Variants in PPL observed in about 807,000 individuals in gnomAD.
PPL encodes the protein 190 kDa paraneoplastic pemphigus antigen.
A neutral mutation model predicts 194.4 loss-of-function variants in PPL; 198 were observed. The ratio of observed to expected loss-of-function variants is 1.02; its 90% CI spans 0.91 to 1.15. The LOEUF (loss-of-function observed/expected upper bound fraction) is 1.15. Among genes scored for constraint, PPL ranks in the 50% most tolerant of loss-of-function variants. PPL has a pLI of 0.00. For synonymous variants in PPL, 1,220 were observed against 972.4 expected (o/e 1.25, Z -4.74); for missense variants, 2,885 against 2,294.8 (o/e 1.26, Z -5.25).
intron 2 of PPL, among the ~76,000 whole-genome samples, chr16:4,907,308 T>TCACACACACA (rs56210938): frequency 4.0e-4 from 58 of 145,742 alleles, no homozygotes; most frequent in African/African-American, 1.3e-3. Context: ...ATATCTAATC[T>TCACACACACA]CACACACACA....
chr16:4,930,571 G>C (rs1388587439), intron 1 of PPL, among the ~76,000 whole-genome samples: 2 of 152,314 alleles, frequency 1.3e-5, no homozygotes, highest in East Asian at 3.9e-4. Flanking sequence ...TGTAGCACCA[G>C]TGTCTGGGGG....
intron 6 of PPL, 65 bp from the exon 7 acceptor site, chr16:4,899,449 C>T: frequency 9.0e-7 from 1 of 1,105,640 alleles, no homozygotes; most frequent in Non-Finnish European, 1.1e-6. Flanking sequence ...GCTTCCTTCC[C>T]TACCTCCTGC....
chr16:4,890,702 A>G (rs1345652035), intron 17 of PPL, 26 bp downstream of exon 17: 54 of 1,572,560 alleles, frequency 3.4e-5, no homozygotes, highest in Non-Finnish European at 4.3e-5. Context: ...GAAAACAAAA[A>G]TGGCCACCAC....
Position 4,896,241 on chromosome 16 carries a change from C to T in PPL, c.973-525G>A, listed in dbSNP as rs74003554. On this transcript the variant is annotated intron_variant, in intron 9 of 21. Coordinates refer to ENST00000345988, the MANE Select transcript of PPL (RefSeq NM_002705.5). ...CTCAGACAGGGAATGAGGAGTGACA[C>T]GGCGTCGCCCACATCCAGCTTTCCC... Among the ~76,000 whole-genome samples the T allele has an allele frequency of 2.4e-3, 361 of 152,250 alleles. 1 individual carries two copies. The highest frequency in any genetic ancestry group is 8.0e-3 in the African/African-American group (333 of 41,550).
chr16:4,908,428 C>G (rs191588820), intron 2 of PPL, among the ~76,000 whole-genome samples: 1 of 30,846 alleles, frequency 3.2e-5, no homozygotes, highest in African/African-American at 8.3e-5. Context: ...TTCTTTCTCT[C>G]TCTCTCTCTC....
In PPL at chr16:4,884,641, C is replaced by T. The variant is rs1418205097; in HGVS notation, c.4014G>A (p.Arg1338=). 1.9e-6 allele frequency: 3 copies of T among 1,614,188 alleles called. No homozygotes were observed. In the Admixed American group the frequency reaches 5.0e-5, roughly 27 times the overall value. The change falls in exon 22 of 22, where the codon CGG becomes CGA. Residue 1338 remains arginine, a synonymous_variant. Coordinates refer to ENST00000345988, the MANE Select transcript of PPL (RefSeq NM_002705.5). The surrounding 1 kb of genome is among the most constrained non-coding windows in gnomAD (Gnocchi z 5.7). ...TCACCCGCGAGAGCTCCTCCTCTTT[C>T]CGGGCGATCTGCTCTTCCTGGGAAG... ...ERASQEEQIA[R]KEEELSRVKE... is the part of the protein sequence containing the mutation.
intron 1 of PPL, among the ~76,000 whole-genome samples, chr16:4,915,142 A>G (rs1596574233): frequency 6.6e-6 from 1 of 152,132 alleles, no homozygotes; most frequent in Non-Finnish European, 1.5e-5. Flanking sequence ...AAGAAAAGCC[A>G]CCTTCTGGAC....
chr16:4,914,235 TC>T (rs1347384810), intron 1 of PPL, among the ~76,000 whole-genome samples: 2 of 152,088 alleles, frequency 1.3e-5, no homozygotes, highest in Non-Finnish European at 2.9e-5. Flanking sequence ...CGAGTGATGC[TC>T]CCCAGATCAA....
rs146898080 is a variant in PPL at position 4,892,104 on chromosome 16, C to T, written c.1760G>A (p.Arg587Lys). 2.5e-6 allele frequency: 4 copies of T among 1,613,700 alleles called. No homozygotes were observed. Among genetic ancestry groups the T allele is most frequent in the Non-Finnish European group, 3.4e-6 (4 of 1,180,044 alleles). The change falls in exon 15 of 22, where the codon AGG becomes AAG. Residue 587 changes from arginine to lysine, a missense_variant. By Grantham distance (26) the Arg-to-Lys change is conservative. Transcript: ENST00000345988. ...LPGSGTTPLL[R>K]TRVEDTNRKY... is the part of the protein sequence containing the mutation. ...CCGGTTGGTGTCCTCCACCCGGGTCCTCAGCAGGGGTGTGGTGCCACTGCC... is the reference window on the plus strand; with the variant it reads ...CCGGTTGGTGTCCTCCACCCGGGTCTTCAGCAGGGGTGTGGTGCCACTGCC...
In PPL at chr16:4,895,243, G is replaced by A. The variant is rs2088402114; in HGVS notation, c.1242+18C>T. 2 of 1,592,494 alleles carry A rather than the reference G, an allele frequency of 1.3e-6. No individual in the cohort carries two copies. Among genetic ancestry groups the A allele is most frequent in the East Asian group, 2.2e-5 (1 of 44,498 alleles). ...AAAACTTTGTAGTGATGTGAACAGA[G>A]GAGCTGGCCCCACGCACCTGCTCCC... On this transcript the variant is annotated intron_variant, in intron 11 of 21. Transcript: ENST00000345988.
chr16:4,896,724 C>G (rs189398019), intron 9 of PPL, among the ~76,000 whole-genome samples: 1 of 150,824 alleles, frequency 6.6e-6, no homozygotes, highest in Non-Finnish European at 1.5e-5. Flanking sequence ...ACTGCAACCT[C>G]TGCCTCCTGG....
At chr16:4,915,192 C>G (rs2142395270) in intron 1 of PPL, among the ~76,000 whole-genome samples, 1 of 152,340 alleles carries the variant, frequency 6.6e-6, no homozygotes, top group South Asian at 2.1e-4. Flanking sequence ...CGAAGCCCCC[C>G]AGAGGACATG....
rs544289240 is a variant in PPL at position 4,915,517 on chromosome 16, T to C, written c.63-4568A>G. ...TCCCCGGGGAGGTTGGTGTGCCCCTTTGAAGAAGGGGATGAAGAAACCAAG... is the reference window on the plus strand; with the variant it reads ...TCCCCGGGGAGGTTGGTGTGCCCCTCTGAAGAAGGGGATGAAGAAACCAAG... On this transcript the variant is annotated intron_variant, in intron 1 of 21. Coordinates refer to ENST00000345988, the MANE Select transcript of PPL (RefSeq NM_002705.5). Among the ~76,000 whole-genome samples the C allele has an allele frequency of 2.0e-5, 3 of 152,268 alleles. No individual in the cohort carries two copies. The East Asian group carries it at 5.8e-4, about 29-fold the overall frequency.
Position 4,894,462 on chromosome 16 carries a change from T to TAGGTAC in PPL, c.1394+4_1394+5insGTACCT. On this transcript the variant is annotated splice_donor_region_variant and intron_variant, in intron 12 of 21. Transcript: ENST00000345988. Reference sequence around the variant, plus strand: ...CCATGCAGACTCCCGCCTTTGCCCTTGTACCTGTCAGCCAGAGCCAGGGCC... The same window carrying TAGGTAC: ...CCATGCAGACTCCCGCCTTTGCCCTTAGGTACGTACCTGTCAGCCAGAGCCAGGGCC... 1 of 1,613,674 alleles carries TAGGTAC rather than the reference T, an allele frequency of 6.2e-7. No individual in the cohort carries two copies. Among genetic ancestry groups the TAGGTAC allele is most frequent in the Non-Finnish European group, 8.5e-7 (1 of 1,179,906 alleles).
chr16:4,919,846 T>C (rs1320034886), intron 1 of PPL, among the ~76,000 whole-genome samples: 4 of 152,142 alleles, frequency 2.6e-5, no homozygotes, highest in Non-Finnish European at 5.9e-5. Flanking sequence ...GGAGAATCGC[T>C]TGAGCCCAGG....
chr16:4,926,984 A>G lies in PPL; in HGVS notation c.62+10000T>C, dbSNP rs1176273506. On this transcript the variant is annotated intron_variant, in intron 1 of 21. Transcript: ENST00000345988. ...ATTTAGGCCTTATAATCTAACTTTA[A>G]TGATGAAAATATACTCAATCCAGTA... Among the ~76,000 whole-genome samples, 7 of 152,124 alleles carry G rather than the reference A, an allele frequency of 4.6e-5. No individual in the cohort carries two copies. In the South Asian group the frequency reaches 1.5e-3, roughly 32 times the overall value.
intron 1 of PPL, among the ~76,000 whole-genome samples, chr16:4,931,753 C>CAA (rs2089228390): frequency 2.0e-5 from 3 of 152,330 alleles, no homozygotes; most frequent in Non-Finnish European, 4.4e-5. Context: ...CAACCACACC[C>CAA]TTAGGGTATT....
intron 14 of PPL, 127 bp downstream of exon 14, chr16:4,893,085 AG>A: frequency 8.3e-7 from 1 of 1,203,362 alleles, no homozygotes; most frequent in Non-Finnish European, 1.1e-6. Context: ...TACATGCAGC[AG>A]GCTGTCCCTG....
Position 4,892,101 on chromosome 16 carries a change from G to C in PPL, c.1763C>G (p.Thr588Ser). The C allele has an allele frequency of 6.2e-7, 1 of 1,613,814 alleles. No individual in the cohort carries two copies. Among genetic ancestry groups the C allele is most frequent in the Non-Finnish European group, 8.5e-7 (1 of 1,180,030 alleles). ...TTTCCGGTTGGTGTCCTCCACCCGGGTCCTCAGCAGGGGTGTGGTGCCACT... is the reference window on the plus strand; with the variant it reads ...TTTCCGGTTGGTGTCCTCCACCCGGCTCCTCAGCAGGGGTGTGGTGCCACT... ...PGSGTTPLLR[T>S]RVEDTNRKYE... is the part of the protein sequence containing the mutation. Residue 588 changes from threonine to serine, a missense_variant, in exon 15 of 22, where the codon ACC becomes AGC. Thr to Ser is a moderately conservative substitution (Grantham distance 58). Transcript: ENST00000345988.
Sources: gnomAD v4.1 joint callset for allele counts (sites outside exome capture counted in the v4.1 genomes callset) on GRCh38, gnomAD v4.1.1 for gene constraint, Gnocchi (gnomAD v3.1) non-coding constraint, MANE v1.5 for transcripts, NCBI Gene and HGNC (gene_info 2026-07-23, HGNC 2026-07-21) for gene names.